Variants in HIF1A observed in about 807,000 individuals in gnomAD.
The protein encoded by HIF1A is hypoxia-inducible factor 1-alpha.
In HIF1A, 24 loss-of-function variants were observed where a neutral mutation model predicts 92.7. The ratio of observed to expected loss-of-function variants is 0.26; its 90% CI spans 0.19 to 0.36. The LOEUF (loss-of-function observed/expected upper bound fraction) is 0.36, where lower values mean the gene tolerates loss of function less well. Among genes scored for constraint, HIF1A ranks in the 10% least tolerant of loss-of-function variants. The probability of loss-of-function intolerance (pLI) is 1.00; values close to 1 mark genes in which losing one functional copy is unlikely to be tolerated. For synonymous variants in HIF1A, 319 were observed against 338.7 expected (o/e 0.94, Z 0.64); for missense variants, 799 against 998.5 (o/e 0.80, Z 2.69).
Position 61,721,562 on chromosome 14 carries a change from A to G in HIF1A, c.280A>G (p.Lys94Glu). The change falls in exon 3 of 15, where the codon AAA becomes GAA. Residue 94 changes from lysine to glutamate, a missense_variant. Physicochemically the swap from Lys to Glu is moderately conservative, Grantham distance 56. Transcript: ENST00000337138. ...AGCACAGATGAATTGCTTTTATTTG[A>G]AAGCCTTGGATGGTTTTGTTATGGT... Reference protein sequence around the residue: ...MKAQMNCFYLKALDGFVMVLT... With the variant: ...MKAQMNCFYLEALDGFVMVLT... The G allele has an allele frequency of 6.2e-7, 1 of 1,613,332 alleles. No homozygotes were observed. The highest frequency in any genetic ancestry group is 1.7e-4 in the Middle Eastern group (1 of 6,054).
chr14:61,724,396 A>G (rs1338079806), intron 4 of HIF1A, among the ~76,000 whole-genome samples: 12 of 36,996 alleles, frequency 3.2e-4, no homozygotes, highest in Admixed American at 6.9e-4. Context: ...TCCCTCCCGC[A>G]CTCCTTCCCT....
chr14:61,704,292 AAAT>A (rs1213562404), intron 1 of HIF1A, among the ~76,000 whole-genome samples: 1 of 152,208 alleles, frequency 6.6e-6, no homozygotes, highest in Non-Finnish European at 1.5e-5. Flanking sequence ...ACCAGTGAGT[AAAT>A]AATAGTGGCA....
At chr14:61,741,326 C>G in intron 12 of HIF1A, 138 bp downstream of exon 12, 2 of 556,252 alleles carry the variant, frequency 3.6e-6, no homozygotes, top group African/African-American at 3.8e-5. Flanking sequence ...ACTCAAAAAA[C>G]TTTCTAAATT....
intron 1 of HIF1A, among the ~76,000 whole-genome samples, chr14:61,707,768 C>T (rs867905881): frequency 0.019 from 2,922 of 150,678 alleles, 38 homozygotes; most frequent in African/African-American, 0.028. Context: ...AATAAACATA[C>T]GTGTGCATGT....
intron 1 of HIF1A, among the ~76,000 whole-genome samples, chr14:61,697,124 A>C (rs2044126335): frequency 6.6e-6 from 1 of 152,236 alleles, no homozygotes; most frequent in African/African-American, 2.4e-5. Context: ...TTCCCTAATC[A>C]GTATCAGCAG....
chr14:61,722,312 T>C (rs531815630), intron 4 of HIF1A, among the ~76,000 whole-genome samples: 1 of 152,316 alleles, frequency 6.6e-6, no homozygotes, highest in East Asian at 1.9e-4. Flanking sequence ...GGTCTTGAAC[T>C]ACTGGGCTTA....
intron 1 of HIF1A, among the ~76,000 whole-genome samples, chr14:61,705,408 G>T (rs2044228666): frequency 6.6e-6 from 1 of 151,026 alleles, no homozygotes; most frequent in Non-Finnish European, 1.5e-5. Context: ...CTTCAACACT[G>T]CTTTAACTCT....
intron 9 of HIF1A, among the ~76,000 whole-genome samples, chr14:61,737,639 G>A (rs1004075896): frequency 1.3e-5 from 2 of 152,222 alleles, no homozygotes; most frequent in Non-Finnish European, 2.9e-5. Flanking sequence ...ACTATTGTAT[G>A]TAAACTTTCT....
At position 61,747,053 on chromosome 14, in the gene HIF1A, G is replaced by A. The variant is rs1423792468; in HGVS notation, c.2449G>A (p.Glu817Lys). The A allele has an allele frequency of 6.2e-7, 1 of 1,612,040 alleles. No homozygotes were observed. Among genetic ancestry groups the A allele is most frequent in the Non-Finnish European group, 8.5e-7 (1 of 1,179,534 alleles). The change falls in exon 15 of 15, where the codon GAA (glutamate) becomes AAA (lysine). Residue 817 changes from glutamate (E) to lysine (K), a missense_variant. Around this residue, in one of 2 missense-constraint regions of HIF1A, gnomAD observed 283 missense variants for 277.5 expected, o/e 1.02. Coordinates refer to ENST00000337138, the MANE Select transcript of HIF1A (RefSeq NM_001530.4). ...QGSRNLLQGE[E>K]LLRALDQVN ...CAGCAGAAACCTACTGCAGGGTGAAGAATTACTCAGAGCTTTGGATCAAGT... is the reference window on the plus strand; with the variant it reads ...CAGCAGAAACCTACTGCAGGGTGAAAAATTACTCAGAGCTTTGGATCAAGT...
intron 1 of HIF1A, among the ~76,000 whole-genome samples, chr14:61,714,598 C>T (rs900367267): frequency 6.6e-6 from 1 of 152,112 alleles, no homozygotes; most frequent in African/African-American, 2.4e-5. Context: ...AAAATCACCT[C>T]ATGTTAGGAG....
intron 1 of HIF1A, among the ~76,000 whole-genome samples, chr14:61,711,824 C>A (rs2044311799): frequency 6.6e-6 from 1 of 152,196 alleles, no homozygotes; most frequent in South Asian, 2.1e-4. Context: ...TTTTTGTACA[C>A]AGAATTAGCT....
intron 4 of HIF1A, among the ~76,000 whole-genome samples, chr14:61,725,226 A>G (rs2044488621): frequency 6.6e-6 from 1 of 152,138 alleles, no homozygotes; most frequent in African/African-American, 2.4e-5. Context: ...TACCAACTCT[A>G]CATTGTGTTT....
chr14:61,731,704 C>G (rs1594879151), intron 6 of HIF1A, among the ~76,000 whole-genome samples: 1 of 152,310 alleles, frequency 6.6e-6, no homozygotes, highest in South Asian at 2.1e-4. Flanking sequence ...AGAAATGTTA[C>G]AGATTTTATC....
In HIF1A at chr14:61,745,789, G is replaced by A; in HGVS notation, c.2301G>A (p.Glu767=). Residue 767 remains glutamate, a synonymous_variant, in exon 14 of 15, where the codon GAG becomes GAA. Transcript: ENST00000337138. ...AATCTAGTGAACAGAATGGAATGGA[G>A]CAAAAGACAATTATTTTAATACCCT... The part of the protein sequence containing the change: ...GCKSSEQNGM[E]QKTIILIPSD... The A allele has an allele frequency of 6.2e-7, 1 of 1,611,844 alleles. No individual in the cohort carries two copies. Among genetic ancestry groups the A allele is most frequent in the Non-Finnish European group, 8.5e-7 (1 of 1,178,324 alleles).
intron 1 of HIF1A, among the ~76,000 whole-genome samples, chr14:61,719,730 T>C (rs751733220): frequency 2.6e-5 from 4 of 152,226 alleles, no homozygotes; most frequent in Non-Finnish European, 4.4e-5. Context: ...CACAGCTTTT[T>C]TTCTTCCATA....
chr14:61,718,789 T>C (rs2044392536), intron 1 of HIF1A, among the ~76,000 whole-genome samples: 1 of 152,112 alleles, frequency 6.6e-6, no homozygotes, highest in Admixed American at 6.5e-5. Context: ...AGTTTCTTCC[T>C]TTTTTTCCTC....
intron 1 of HIF1A, chr14:61,697,989 A>G (rs1248374054): frequency 4.8e-6 from 6 of 1,259,700 alleles, no homozygotes; most frequent in Non-Finnish European, 6.4e-6. Flanking sequence ...AACGCAGGAC[A>G]TTTCATGTTG....
chr14:61,735,000 T>G (rs2044618940), intron 8 of HIF1A, among the ~76,000 whole-genome samples: 1 of 152,250 alleles, frequency 6.6e-6, no homozygotes, highest in Non-Finnish European at 1.5e-5. Flanking sequence ...ACTTAGCTCT[T>G]TGGCTTGTGA....
chr14:61,745,917 T>A, intron 14 of HIF1A, 100 bp downstream of exon 14: 2 of 1,117,526 alleles, frequency 1.8e-6, no homozygotes, highest in Non-Finnish European at 1.3e-6. Context: ...TTTGGTTCCT[T>A]AGCAAGATTA....
Sources: allele counts gnomAD v4.1 joint callset (sites outside exome capture counted in the v4.1 genomes callset), GRCh38; gene constraint gnomAD v4.1.1; regional missense constraint gnomAD v4.1.1; transcripts MANE v1.5; gene names NCBI Gene and HGNC (gene_info 2026-07-23, HGNC 2026-07-21).